ADAMTSL1: variants seen among roughly 807,000 people sequenced by gnomAD.
The protein encoded by ADAMTSL1 is ADAMTS-like protein 1.
ADAMTSL1 carries 126 observed loss-of-function variants against 201.8 expected under a neutral mutation model. The ratio of observed to expected loss-of-function variants is 0.62; its 90% CI spans 0.54 to 0.72. The LOEUF is 0.72. Among genes scored for constraint, ADAMTSL1 ranks in the 30% least tolerant of loss-of-function variants. The pLI is 0.00. For missense variants in ADAMTSL1, 2,679 were observed against 2,277.8 expected (o/e 1.18, Z -3.59); for synonymous variants, 1,121 against 903.4 (o/e 1.24, Z -4.32).
intron 23 of ADAMTSL1, among the ~76,000 whole-genome samples, chr9:18,865,707 T>C (rs1352319283): frequency 2.0e-5 from 3 of 152,194 alleles, no homozygotes; most frequent in Non-Finnish European, 2.9e-5. Context: ...GAATGGGGCC[T>C]AAAGACAATA....
chr9:18,360,309 T>C (rs1249739900), intron 2 of ADAMTSL1, among the ~76,000 whole-genome samples: 1 of 152,214 alleles, frequency 6.6e-6, no homozygotes, highest in East Asian at 1.9e-4. Context: ...CACAAAAACA[T>C]GTTGAAGGGA....
At chr9:18,234,519 G>A (rs1241986603) in intron 2 of ADAMTSL1, among the ~76,000 whole-genome samples, 1 of 152,148 alleles carries the variant, frequency 6.6e-6, no homozygotes, top group South Asian at 2.1e-4. Context: ...AATCTGAGTG[G>A]TTGACATGAC....
intron 1 of ADAMTSL1, among the ~76,000 whole-genome samples, chr9:18,121,872 T>A (rs908260113): frequency 2.0e-5 from 3 of 152,110 alleles, no homozygotes; most frequent in Admixed American, 6.6e-5. Flanking sequence ...TTAAAACTCT[T>A]TAGAAAATTT....
At chr9:18,457,504 T>TC (rs928604289) in intron 2 of ADAMTSL1, among the ~76,000 whole-genome samples, 1 of 152,120 alleles carries the variant, frequency 6.6e-6, no homozygotes, top group Admixed American at 6.5e-5. Flanking sequence ...GCCTTTTTTT[T>TC]CTTAGTTTTT....
intron 1 of ADAMTSL1, among the ~76,000 whole-genome samples, chr9:18,016,239 CTG>C (rs761494087): frequency 6.6e-6 from 1 of 152,016 alleles, no homozygotes; most frequent in Non-Finnish European, 1.5e-5. Flanking sequence ...ACTCAAGTAT[CTG>C]TGAATACCAG....
chr9:18,753,567 G>T (rs772488582), intron 16 of ADAMTSL1, 59 bp downstream of exon 16: 15 of 1,540,756 alleles, frequency 9.7e-6, no homozygotes, highest in African/African-American at 1.4e-5. Flanking sequence ...CTCAAAAAAG[G>T]GATGCTCTCT....
intron 23 of ADAMTSL1, among the ~76,000 whole-genome samples, chr9:18,858,418 C>T (rs1827003751): frequency 6.6e-6 from 1 of 152,208 alleles, no homozygotes; most frequent in Admixed American, 6.5e-5. Context: ...TCCTGGACTA[C>T]CACGGCTCCC....
intron 23 of ADAMTSL1, among the ~76,000 whole-genome samples, chr9:18,865,644 C>T (rs772931857): frequency 6.6e-6 from 1 of 152,180 alleles, no homozygotes; most frequent in South Asian, 2.1e-4. Context: ...AAATCTTACA[C>T]ATATGTGAAT....
chr9:18,684,491 C>T (rs1260381515), intron 12 of ADAMTSL1, among the ~76,000 whole-genome samples: 1 of 152,164 alleles, frequency 6.6e-6, no homozygotes, highest in Admixed American at 6.5e-5. Flanking sequence ...CTTTGCTATT[C>T]ATCATAATAA....
rs145016967 is a variant in ADAMTSL1, at chr9:18,225,463, T to C, written c.207+61482T>C. ...TAATGTGAGTAAGGATTTTTAAAAC[T>C]TGGTGTTTCCAAAAAGTACATATTT... is the stretch of plus-strand genomic sequence containing the variant. On this transcript the variant is annotated intron_variant, in intron 2 of 29. Transcript: ENST00000680146. 3.3e-5 allele frequency among the ~76,000 whole-genome samples: 5 copies of C among 152,304 alleles called. No individual in the cohort carries two copies. The East Asian group carries it at 9.6e-4, about 29-fold the overall frequency.
intron 20 of ADAMTSL1, among the ~76,000 whole-genome samples, chr9:18,814,757 G>A (rs764741220): frequency 1.3e-5 from 2 of 152,076 alleles, no homozygotes; most frequent in Non-Finnish European, 2.9e-5. Flanking sequence ...AGAGGATCAG[G>A]AAAAATAACT....
Position 18,561,142 on chromosome 9 carries a change from C to T in ADAMTSL1, c.238-12888C>T, listed in dbSNP as rs60894552. ...TGATATTAGGGTGTCGATTTTAGATCTTTCCCACTTTCTCCTGTGGGCATT... is the reference window on the plus strand; with the variant it reads ...TGATATTAGGGTGTCGATTTTAGATTTTTCCCACTTTCTCCTGTGGGCATT... On this transcript the variant is annotated intron_variant, in intron 3 of 28. Coordinates refer to ENST00000380548, the MANE Select transcript of ADAMTSL1 (RefSeq NM_001040272.6). 7.9e-3 allele frequency among the ~76,000 whole-genome samples: 1,201 copies of T among 152,250 alleles called. 36 individuals are homozygous for T. The East Asian group carries it at 0.091, about 12-fold the overall frequency.
At chr9:18,238,081 C>G (rs1308730629) in intron 2 of ADAMTSL1, among the ~76,000 whole-genome samples, 1 of 152,160 alleles carries the variant, frequency 6.6e-6, no homozygotes, top group Non-Finnish European at 1.5e-5. Context: ...AAGAAAGCCA[C>G]TTTTTGTCCA....
chr9:18,337,380 C>T (rs1174763615), intron 2 of ADAMTSL1, among the ~76,000 whole-genome samples: 9 of 152,068 alleles, frequency 5.9e-5, no homozygotes, highest in Non-Finnish European at 1.3e-4. Flanking sequence ...TTGCAGATGG[C>T]TTATTGTGGG....
intron 3 of ADAMTSL1, among the ~76,000 whole-genome samples, chr9:18,537,114 A>T (rs1464065870): frequency 6.6e-6 from 1 of 152,206 alleles, no homozygotes; most frequent in Non-Finnish European, 1.5e-5. Context: ...AAGCCCAAGA[A>T]TTCTTCTTGG....
At chr9:18,101,497 CAAA>C (rs397952890) in intron 1 of ADAMTSL1, among the ~76,000 whole-genome samples, 4 of 95,358 alleles carry the variant, frequency 4.2e-5, no homozygotes. Flanking sequence ...GACTCCGTCT[CAAA>C]AAAAAAAAAA....
At chr9:18,395,901 A>C (rs1402987610) in intron 2 of ADAMTSL1, among the ~76,000 whole-genome samples, 1 of 152,190 alleles carries the variant, frequency 6.6e-6, no homozygotes, top group Non-Finnish European at 1.5e-5. Context: ...ATCAAAGAGG[A>C]AGTACAAGAC....
chr9:18,377,736 T>A (rs1288119091), intron 2 of ADAMTSL1, among the ~76,000 whole-genome samples: 1 of 152,040 alleles, frequency 6.6e-6, no homozygotes, highest in Non-Finnish European at 1.5e-5. Flanking sequence ...CCGGTTAATT[T>A]TTTGTATTTT....
intron 1 of ADAMTSL1, among the ~76,000 whole-genome samples, chr9:17,974,062 C>G (rs1050003787): frequency 7.2e-5 from 11 of 152,000 alleles, no homozygotes; most frequent in Admixed American, 3.9e-4. Flanking sequence ...ATGCTAAAAA[C>G]TCTCAATAAA....
Sources: gnomAD v4.1 joint callset for allele counts (sites outside exome capture counted in the v4.1 genomes callset) on GRCh38, gnomAD v4.1.1 for gene constraint, MANE v1.5 for transcripts, NCBI Gene and HGNC (gene_info 2026-07-23, HGNC 2026-07-21) for gene names.